AKAP13: variants seen among roughly 807,000 people sequenced by gnomAD.
The protein encoded by AKAP13 is A-kinase anchoring protein 13.
In AKAP13, 80 loss-of-function variants were observed where a neutral mutation model predicts 264.5. The observed-to-expected ratio is 0.30, with a 90% CI of 0.25 to 0.36. The LOEUF (loss-of-function observed/expected upper bound fraction) is 0.36. Ranked by LOEUF, AKAP13 falls within the 10% of genes least tolerant of loss-of-function variation. AKAP13 has a pLI of 1.00. For synonymous variants in AKAP13, 1,380 were observed against 1,250.2 expected (o/e 1.10, Z -2.19); for missense variants, 3,712 against 3,435.2 (o/e 1.08, Z -2.01).
At chr15:85,622,194 A>G (rs1255260131) in intron 8 of AKAP13, among the ~76,000 whole-genome samples, 8 of 152,252 alleles carry the variant, frequency 5.3e-5, no homozygotes, top group Admixed American at 6.5e-5. Flanking sequence ...ACAAACTGTT[A>G]TAATTGATTT....
chr15:85,417,846 C>A (rs1288435440), intron 1 of AKAP13, among the ~76,000 whole-genome samples: 1 of 151,974 alleles, frequency 6.6e-6, no homozygotes, highest in African/African-American at 2.4e-5. Flanking sequence ...GGTAATTGAA[C>A]CTAGATTTGT....
chr15:85,631,040 G>C (rs867988842), intron 8 of AKAP13, among the ~76,000 whole-genome samples: 1 of 151,864 alleles, frequency 6.6e-6, no homozygotes, highest in Non-Finnish European at 1.5e-5. Flanking sequence ...ATCAACTGAT[G>C]CATATAGATA....
intron 14 of AKAP13, among the ~76,000 whole-genome samples, chr15:85,673,957 C>T (rs552334894): frequency 6.6e-6 from 1 of 151,968 alleles, no homozygotes; most frequent in East Asian, 1.9e-4. Context: ...TCCCAAAGTG[C>T]TGGGATTACA....
chr15:85,384,412 G>A (rs1232223051), intron 1 of AKAP13, among the ~76,000 whole-genome samples: 1 of 152,148 alleles, frequency 6.6e-6, no homozygotes, highest in Non-Finnish European at 1.5e-5. Context: ...AGAAAGCTGT[G>A]GGTGGAAGAA....
At chr15:85,706,422 T>C (rs2151684567) in intron 17 of AKAP13, among the ~76,000 whole-genome samples, 1 of 152,340 alleles carries the variant, frequency 6.6e-6, no homozygotes, top group East Asian at 1.9e-4. Context: ...ACCCATCTGA[T>C]AGAATCACAG....
At position 85,457,546 on chromosome 15, in the gene AKAP13, C is replaced by T. The variant is rs148357370; in HGVS notation, c.-11-28164C>T. Among the ~76,000 whole-genome samples the T allele has an allele frequency of 1.4e-3, 217 of 152,228 alleles. 1 individual carries two copies. The highest frequency in any genetic ancestry group is 5.0e-3 in the African/African-American group (207 of 41,532). ...AGAGCGCCTAGCTCAGCACCCTTGG[C>T]GACTAGTTGTAGCCCTGACTCCTTG... On this transcript the variant is annotated intron_variant, in intron 1 of 36. Coordinates refer to ENST00000394518, the MANE Select transcript of AKAP13 (RefSeq NM_007200.5).
At chr15:85,609,137 T>A (rs1028738375) in intron 8 of AKAP13, among the ~76,000 whole-genome samples, 1 of 152,162 alleles carries the variant, frequency 6.6e-6, no homozygotes, top group African/African-American at 2.4e-5. Context: ...ACATTCAAAA[T>A]CCTCTCTTCC....
chr15:85,417,806 C>T (rs963414213), intron 1 of AKAP13, among the ~76,000 whole-genome samples: 2 of 151,994 alleles, frequency 1.3e-5, no homozygotes, highest in Non-Finnish European at 2.9e-5. Context: ...GCTGATCAGG[C>T]AGCACAAAAC....
At chr15:85,695,359 G>T (rs370097361) in intron 17 of AKAP13, among the ~76,000 whole-genome samples, 7 of 152,094 alleles carry the variant, frequency 4.6e-5, no homozygotes, top group African/African-American at 1.7e-4. Context: ...AGCTGAGATC[G>T]TGCCATTGCA....
At chr15:85,621,523 G>A (rs2081184477) in intron 8 of AKAP13, 1 of 152,080 alleles carries the variant, frequency 6.6e-6, no homozygotes, top group Non-Finnish European at 1.5e-5. Flanking sequence ...TTGCCTGCGG[G>A]TGGGGAGAAG....
At chr15:85,544,910 T>G (rs1401163779) in intron 5 of AKAP13, among the ~76,000 whole-genome samples, 1 of 152,230 alleles carries the variant, frequency 6.6e-6, no homozygotes, top group Non-Finnish European at 1.5e-5. Context: ...CTTTATGTTT[T>G]ACCATTTTTA....
In AKAP13 at chr15:85,698,943, CAAAAAAAAAAA is replaced by C. The variant is rs10715702; in HGVS notation, c.5464+5509_5464+5519del. Reference sequence around the variant, plus strand: ...TGGGAAACAGAGCGAGACCTTGTCTCAAAAAAAAAAAAAAAAAAAAAAAAAAATTTACAAAT... The same window carrying C: ...TGGGAAACAGAGCGAGACCTTGTCTCAAAAAAAAAAAAAAAATTTACAAAT... On this transcript the variant is annotated intron_variant, in intron 17 of 36. Transcript: ENST00000394518. 1.4e-4 allele frequency among the ~76,000 whole-genome samples: 10 copies of C among 72,848 alleles called. No individual in the cohort carries two copies. In the South Asian group the frequency reaches 4.6e-3, roughly 33 times the overall value. The allele number at this position is 72,848 out of a possible 152,430, so 47.8% of individuals were successfully genotyped here. A position where few individuals can be genotyped will look rare whatever the true frequency, so the allele number is the denominator to read the frequency against.
chr15:85,653,470 C>T (rs2082956655), intron 10 of AKAP13, among the ~76,000 whole-genome samples: 1 of 152,098 alleles, frequency 6.6e-6, no homozygotes, highest in South Asian at 2.1e-4. Context: ...AACTGGATTC[C>T]ACGGAACTGG....
chr15:85,529,193 G>A (rs1471875577), intron 3 of AKAP13, among the ~76,000 whole-genome samples: 4 of 152,198 alleles, frequency 2.6e-5, no homozygotes, highest in African/African-American at 4.8e-5. Flanking sequence ...AGGCCTAGGC[G>A]GGCGGATTAC....
chr15:85,557,681 G>C (rs1268156857), intron 5 of AKAP13, among the ~76,000 whole-genome samples: 1 of 151,992 alleles, frequency 6.6e-6, no homozygotes, highest in Non-Finnish European at 1.5e-5. Flanking sequence ...CTTGTATGTT[G>C]CCCAGGCTGA....
intron 29 of AKAP13, 65 bp from the exon 30 acceptor site, chr15:85,730,448 G>C (rs1179418531): frequency 6.5e-7 from 1 of 1,535,118 alleles, no homozygotes; most frequent in Non-Finnish European, 8.9e-7. Flanking sequence ...TGGTGCTCGT[G>C]TCTTAGTCAT....
rs532188083 is a variant in AKAP13 at position 85,668,885 on chromosome 15, A to G, written c.4993-837A>G. ...TTGAACCTGGGAGGCAGAGGTTGCA[A>G]TGAGCCGAGATCATGCCACTGCACT... is the stretch of plus-strand genomic sequence containing the variant. On this transcript the variant is annotated intron_variant, in intron 13 of 36. Transcript: ENST00000394518. 5.4e-5 allele frequency among the ~76,000 whole-genome samples: 8 copies of G among 149,154 alleles called. No individual in the cohort carries two copies. The South Asian group carries it at 6.4e-4, about 12-fold the overall frequency.
Position 85,445,199 on chromosome 15 carries a change from T to A in AKAP13, c.-11-40511T>A, listed in dbSNP as rs78097900. On this transcript the variant is annotated intron_variant, in intron 1 of 36. Coordinates refer to ENST00000394518, the MANE Select transcript of AKAP13 (RefSeq NM_007200.5). ...TTTAAAAGATGCTGGATAACTCTTG[T>A]GAACATTCAGTTAGTACAGTTTGTG... Among the ~76,000 whole-genome samples the A allele has an allele frequency of 8.6e-3, 1,308 of 152,326 alleles. 6 individuals carry two copies. Among genetic ancestry groups the A allele is most frequent in the South Asian group, 0.022 (104 of 4,828 alleles).
intron 8 of AKAP13, among the ~76,000 whole-genome samples, chr15:85,592,778 A>G (rs1442981597): frequency 6.6e-6 from 1 of 152,204 alleles, no homozygotes; most frequent in Non-Finnish European, 1.5e-5. Context: ...AATTTTTAAT[A>G]CAATTGTGGA....
Sources: allele counts gnomAD v4.1 joint callset (sites outside exome capture counted in the v4.1 genomes callset), GRCh38; gene constraint gnomAD v4.1.1; transcripts MANE v1.5; gene names NCBI Gene and HGNC (gene_info 2026-07-23, HGNC 2026-07-21).